The following POM121 variants were observed in gnomAD, a reference collection of about 807,000 sequenced individuals.
The protein encoded by POM121 is POM121 transmembrane nucleoporin.
POM121 carries 32 observed loss-of-function variants against 81.3 expected under a neutral mutation model. The ratio of observed to expected loss-of-function variants is 0.39; its 90% CI spans 0.30 to 0.53. The LOEUF (loss-of-function observed/expected upper bound fraction) is 0.53, where lower values mean the gene tolerates loss of function less well. Among genes scored for constraint, POM121 ranks in the 20% least tolerant of loss-of-function variants. The pLI, the probability that POM121 is intolerant of heterozygous loss-of-function variation, is 0.66. For missense variants in POM121, 1,138 were observed against 1,614.6 expected (o/e 0.70, Z 5.06); for synonymous variants, 514 against 694.2 (o/e 0.74, Z 4.08).
intron 12 of POM121, 95 bp downstream of exon 12, chr7:72,945,803 C>G: frequency 6.6e-7 from 1 of 1,503,772 alleles, no homozygotes; most frequent in Non-Finnish European, 8.9e-7. Context: ...CGGTGAAGAT[C>G]AGGTTCAGCA....
chr7:72,949,483 A>G, downstream of POM121: 3 of 1,567,194 alleles, frequency 1.9e-6, no homozygotes, highest in Non-Finnish European at 2.6e-6. Flanking sequence ...GTCAAAGGCA[A>G]AGATCTTCCT....
rs1554502483 is a variant in POM121 at position 72,943,474 on chromosome 7, T to C, written c.3481T>C (p.Phe1161Leu). The change falls in exon 11 of 13, where the codon TTT becomes CTT. Residue 1161 changes from phenylalanine to leucine, a missense_variant. This residue lies in a region of POM121 where 336 missense variants were observed against 344.3 expected (regional missense o/e 0.98). Coordinates refer to ENST00000434423, the MANE Select transcript of POM121 (RefSeq NM_001387691.1). ...GGGCACCACCGGCCAGAGCACACCG[T>C]TTGCCTTCAACGTGAGCAGCACAAC... is the stretch of plus-strand genomic sequence containing the variant. Reference protein sequence around the residue: ...ALGTTGQSTPFAFNVSSTTES... With the variant: ...ALGTTGQSTPLAFNVSSTTES... 1 of 1,612,726 alleles carries C rather than the reference T, an allele frequency of 6.2e-7. No individual in the cohort carries two copies. The highest frequency in any genetic ancestry group is 8.5e-7 in the Non-Finnish European group (1 of 1,179,842).
upstream of POM121, among the ~76,000 whole-genome samples, chr7:72,923,258 C>CG (rs1794997971): frequency 6.6e-6 from 1 of 152,046 alleles, no homozygotes; most frequent in Non-Finnish European, 1.5e-5. Flanking sequence ...GCCCCAGAGG[C>CG]ATCTATACCT....
chr7:72,904,369 C>T (rs1491002012), intron 3 of POM121, among the ~76,000 whole-genome samples: 1 of 152,218 alleles, frequency 6.6e-6, no homozygotes, highest in Non-Finnish European at 1.5e-5. Context: ...TTTGCCTAGG[C>T]ATCAGTGGGG....
chr7:72,949,374 G>C, downstream of POM121: 1 of 890,626 alleles, frequency 1.1e-6, no homozygotes, highest in Non-Finnish European at 1.9e-6. Flanking sequence ...GCGGATCTAA[G>C]GGGGAGACCG....
rs137933778 is a variant in POM121 at position 72,908,876 on chromosome 7, C to T, written c.-215-4889C>T. Among the ~76,000 whole-genome samples, 814 of 152,230 alleles carry T rather than the reference C, an allele frequency of 5.3e-3. 9 individuals carry two copies. The highest frequency in any genetic ancestry group is 0.019 in the African/African-American group (793 of 41,542). On this transcript the variant is annotated intron_variant, in intron 3 of 15. Transcript: ENST00000395270. ...TATCCTGTTCTTTTTTCAAGGTGCCCAGATTTCATATTGTTTAAACAATTT... is the reference window on the plus strand; with the variant it reads ...TATCCTGTTCTTTTTTCAAGGTGCCTAGATTTCATATTGTTTAAACAATTT...
upstream of POM121, among the ~76,000 whole-genome samples, chr7:72,922,869 A>G (rs1450271205): frequency 1.3e-5 from 2 of 151,986 alleles, no homozygotes; most frequent in Non-Finnish European, 2.9e-5. Flanking sequence ...CTGTACCCTG[A>G]CGGCTTTTAT....
rs199996427 is a variant in POM121, at chr7:72,926,832, C to G, written c.891C>G (p.Ser297=). Reference sequence around the variant, plus strand: ...AGCAGATAATCAGCTCAACACTGTCCTCACCATCAAGTAACGCCCCAGACC... The same window carrying G: ...AGCAGATAATCAGCTCAACACTGTCGTCACCATCAAGTAACGCCCCAGACC... ...IPEQIISSTL[S]SPSSNAPDPC... The change falls in exon 3 of 13, where the codon TCC becomes TCG. Residue 297 remains serine, a synonymous_variant. Transcript: ENST00000434423. 18 of 1,613,968 alleles carry G rather than the reference C, an allele frequency of 1.1e-5. No individual in the cohort carries two copies. The East Asian group carries it at 3.1e-4, about 28-fold the overall frequency.
chr7:72,934,191 T>G (rs1449544962), intron 5 of POM121, among the ~76,000 whole-genome samples: 1 of 151,908 alleles, frequency 6.6e-6, no homozygotes, highest in Non-Finnish European at 1.5e-5. Flanking sequence ...TTCAAGCAAT[T>G]CCCCAGTCTC....
upstream of POM121, among the ~76,000 whole-genome samples, chr7:72,923,844 G>A (rs1795078963): frequency 6.6e-6 from 1 of 151,694 alleles, no homozygotes; most frequent in Non-Finnish European, 1.5e-5. Flanking sequence ...CAGATGATCC[G>A]CCCACCTCGG....
At position 72,925,360 on chromosome 7, in the gene POM121, C is replaced by G. The variant is rs1407574051; in HGVS notation, c.239C>G (p.Ser80Cys). ...GAGCCCCGAGGTTCGCGCCCCTTGT[C>G]CTCCTTCGTTCGGAAGGCGCGTCAT... ...SREPRGSRPL[S>C]SFVRKARHRR... is the part of the protein sequence containing the mutation. The change falls in exon 1 of 13, where the codon TCC becomes TGC. Residue 80 changes from serine to cysteine, a missense_variant. By Grantham distance (112) the Ser-to-Cys change is moderately radical. Transcript: ENST00000434423. 1.3e-6 allele frequency: 2 copies of G among 1,522,962 alleles called. No individual in the cohort carries two copies. The highest frequency in any genetic ancestry group is 2.0e-5 in the Admixed American group (1 of 50,766). 94.3% of individuals were successfully genotyped at this position (1,522,962 alleles called of 1,614,324 possible). A position where few individuals can be genotyped will look rare whatever the true frequency, so the allele number is the denominator to read the frequency against.
chr7:72,934,861 G>C (rs1401646316), intron 5 of POM121, among the ~76,000 whole-genome samples: 2 of 152,040 alleles, frequency 1.3e-5, no homozygotes, highest in African/African-American at 2.4e-5. Context: ...TCTAGACTCT[G>C]TTTTGTTCCA....
chr7:72,921,662 G>A (rs193139972), upstream of POM121, among the ~76,000 whole-genome samples: 1 of 152,272 alleles, frequency 6.6e-6, no homozygotes, highest in East Asian at 1.9e-4. Flanking sequence ...AACAGCATGC[G>A]TTAAACCAAA....
chr7:72,890,620 A>T, intron 1 of POM121: 1 of 1,600,170 alleles, frequency 6.2e-7, no homozygotes, highest in Non-Finnish European at 8.5e-7. Context: ...TCATGTTGCC[A>T]TTACAGGGGC....
At chr7:72,891,142 T>A in intron 3 of POM121, 2 of 810,858 alleles carry the variant, frequency 2.5e-6, no homozygotes, top group South Asian at 3.2e-5. Context: ...TGTTAAAAAA[T>A]GCTCATCCCA....
At chr7:72,892,987 C>G (rs1310161274) in intron 3 of POM121, among the ~76,000 whole-genome samples, 1 of 151,582 alleles carries the variant, frequency 6.6e-6, no homozygotes, top group Non-Finnish European at 1.5e-5. Context: ...GAGACAGAGT[C>G]TCACTCTGTC....
intron 5 of POM121, among the ~76,000 whole-genome samples, chr7:72,931,717 C>T (rs1227013302): frequency 2.6e-5 from 4 of 151,998 alleles, no homozygotes; most frequent in African/African-American, 9.7e-5. Flanking sequence ...ACTATAGGTG[C>T]CCGCCACCAT....
At chr7:72,889,079 T>C (rs1791039149) in intron 1 of POM121, among the ~76,000 whole-genome samples, 2 of 152,236 alleles carry the variant, frequency 1.3e-5, no homozygotes, top group Admixed American at 1.3e-4. Context: ...GGTATTTGTA[T>C]TGATGTAAGT....
At chr7:72,941,753 A>G (rs1797091408) in intron 10 of POM121, 84 bp from the exon 11 acceptor site, 2 of 1,513,366 alleles carry the variant, frequency 1.3e-6, no homozygotes, top group East Asian at 2.3e-5. Context: ...GCTCTGTGGT[A>G]GGCGTGGGGA....
Sources: allele counts gnomAD v4.1 joint callset (sites outside exome capture counted in the v4.1 genomes callset), GRCh38; gene constraint gnomAD v4.1.1; regional missense constraint gnomAD v4.1.1; transcripts MANE v1.5; gene names NCBI Gene and HGNC (gene_info 2026-07-23, HGNC 2026-07-21).